VEGFC: variants seen among roughly 807,000 people sequenced by gnomAD.
The protein encoded by VEGFC is vascular endothelial growth factor C, also known as FLT4 ligand DHM.
VEGFC carries 12 observed loss-of-function variants against 46.1 expected under a neutral mutation model. The ratio of observed to expected loss-of-function variants is 0.26; its 90% confidence interval spans 0.17 to 0.42. The LOEUF (loss-of-function observed/expected upper bound fraction) is 0.42. VEGFC is among the 10% of genes least tolerant of loss of function. The probability of loss-of-function intolerance (pLI) is 1.00; values close to 1 mark genes in which losing one functional copy is unlikely to be tolerated. For missense variants in VEGFC, 488 were observed against 529.4 expected (o/e 0.92, Z 0.77); for synonymous variants, 232 against 195.5 (o/e 1.19, Z -1.56).
intron 3 of VEGFC, among the ~76,000 whole-genome samples, chr4:176,723,017 T>C (rs1449270009): frequency 1.3e-5 from 2 of 152,214 alleles, no homozygotes; most frequent in African/African-American, 4.8e-5. Flanking sequence ...TTTATTTACT[T>C]TGCTTACTAA....
chr4:176,783,018 C>G (rs1735942242), intron 1 of VEGFC, among the ~76,000 whole-genome samples: 1 of 152,168 alleles, frequency 6.6e-6, no homozygotes. Flanking sequence ...CCAATGCCCC[C>G]AGCACTGTAG....
chr4:176,789,267 A>T (rs1384790062), intron 1 of VEGFC, among the ~76,000 whole-genome samples: 2 of 152,222 alleles, frequency 1.3e-5, no homozygotes, highest in Non-Finnish European at 2.9e-5. Context: ...TTCTCAACTC[A>T]ACTGAAAAGG....
At chr4:176,756,968 G>A (rs77513254) in intron 1 of VEGFC, among the ~76,000 whole-genome samples, 2,544 of 152,020 alleles carry the variant, frequency 0.017, 44 homozygotes, top group Non-Finnish European at 0.028. Context: ...AAAAATCAAG[G>A]ATGTTTGCTA....
At chr4:176,757,017 A>G (rs1363524960) in intron 1 of VEGFC, among the ~76,000 whole-genome samples, 1 of 152,096 alleles carries the variant, frequency 6.6e-6, no homozygotes, top group African/African-American at 2.4e-5. Flanking sequence ...ACTCTGCTCA[A>G]TTCTGGACAT....
chr4:176,713,563 G>A (rs1050977130), intron 3 of VEGFC, among the ~76,000 whole-genome samples: 1 of 152,158 alleles, frequency 6.6e-6, no homozygotes, highest in Non-Finnish European at 1.5e-5. Flanking sequence ...GTGTACCTAA[G>A]AATTTAGGTC....
chr4:176,711,783 G>A (rs1015882935), intron 3 of VEGFC, 133 bp from the exon 4 acceptor site: 2 of 785,708 alleles, frequency 2.5e-6, no homozygotes, highest in East Asian at 2.7e-5. Context: ...AGGACGCTAT[G>A]TTTTTATGAT....
At chr4:176,718,013 A>T (rs1206610582) in intron 3 of VEGFC, among the ~76,000 whole-genome samples, 1 of 152,180 alleles carries the variant, frequency 6.6e-6, no homozygotes, top group Non-Finnish European at 1.5e-5. Flanking sequence ...TATACACAGT[A>T]CCACAATTAA....
In VEGFC at chr4:176,737,866, C is replaced by T. The variant is rs536356097; in HGVS notation, c.148-8120G>A. Among the ~76,000 whole-genome samples, 444 of 151,892 alleles carry T rather than the reference C, an allele frequency of 2.9e-3. 3 individuals are homozygous for T. The highest frequency in any genetic ancestry group is 0.01 in the African/African-American group (421 of 41,492). On this transcript the variant is annotated intron_variant, in intron 1 of 6. Coordinates refer to ENST00000618562, the MANE Select transcript of VEGFC (RefSeq NM_005429.5). ...CAGAAGATGAACAGAATATGTCTTG[C>T]AAATGAGAGATATTGTGGTACATTC... is the stretch of plus-strand genomic sequence containing the variant.
At chr4:176,714,126 C>T (rs1192749839) in intron 3 of VEGFC, among the ~76,000 whole-genome samples, 1 of 152,182 alleles carries the variant, frequency 6.6e-6, no homozygotes, top group Non-Finnish European at 1.5e-5. Context: ...TGTGTCTCCT[C>T]CAAATCTCAT....
chr4:176,746,341 T>G (rs956028582), intron 1 of VEGFC, among the ~76,000 whole-genome samples: 1 of 152,010 alleles, frequency 6.6e-6, no homozygotes, highest in Non-Finnish European at 1.5e-5. Context: ...AACACAGAGC[T>G]GGGCATTCTC....
intron 1 of VEGFC, among the ~76,000 whole-genome samples, chr4:176,785,107 G>A (rs76455961): frequency 7.5e-4 from 114 of 152,278 alleles, no homozygotes; most frequent in African/African-American, 2.7e-3. Flanking sequence ...AGGTTCTGCA[G>A]TTAGCAAAAT....
At chr4:176,766,941 A>T (rs1482613907) in intron 1 of VEGFC, among the ~76,000 whole-genome samples, 2 of 136,330 alleles carry the variant, frequency 1.5e-5, no homozygotes, top group Non-Finnish European at 3.1e-5. Flanking sequence ...GACATAAAAA[A>T]TATTAATCAT....
intron 1 of VEGFC, among the ~76,000 whole-genome samples, chr4:176,768,491 C>CATATACATATATATATATATAT: frequency 9.9e-6 from 1 of 100,536 alleles, no homozygotes. Context: ...ATGTTTTATA[C>CATATACATATATATATATATAT]ATATATATAT....
At chr4:176,701,086 A>G (rs1250089441) in intron 4 of VEGFC, among the ~76,000 whole-genome samples, 2 of 152,204 alleles carry the variant, frequency 1.3e-5, no homozygotes, top group Non-Finnish European at 2.9e-5. Flanking sequence ...AGGGAACCCT[A>G]ATGTAAGCTA....
chr4:176,718,736 G>A (rs988626955), intron 3 of VEGFC, among the ~76,000 whole-genome samples: 2 of 152,074 alleles, frequency 1.3e-5, no homozygotes, highest in Non-Finnish European at 2.9e-5. Context: ...GAAGACTCTA[G>A]AGATTGAGCT....
chr4:176,773,731 G>A (rs1358010146), intron 1 of VEGFC, among the ~76,000 whole-genome samples: 1 of 152,152 alleles, frequency 6.6e-6, no homozygotes, highest in African/African-American at 2.4e-5. Flanking sequence ...TTCCCAGGCT[G>A]GAGTACAGTG....
intron 1 of VEGFC, among the ~76,000 whole-genome samples, chr4:176,748,492 G>A (rs1056010469): frequency 1.3e-5 from 2 of 151,756 alleles, no homozygotes; most frequent in Non-Finnish European, 2.9e-5. Context: ...CAAGTAGTAC[G>A]TATACAGCAT....
At chr4:176,701,628 C>T (rs1323474602) in intron 4 of VEGFC, among the ~76,000 whole-genome samples, 4 of 152,142 alleles carry the variant, frequency 2.6e-5, no homozygotes, top group Admixed American at 2.6e-4. Context: ...GCCTGAGTTC[C>T]ACTGGTAAAT....
At chr4:176,696,745 C>G (rs1369137999) in intron 4 of VEGFC, among the ~76,000 whole-genome samples, 1 of 152,088 alleles carries the variant, frequency 6.6e-6, no homozygotes, top group Non-Finnish European at 1.5e-5. Context: ...TACCACAAGG[C>G]TACAGTAACC....
Sources: allele counts gnomAD v4.1 joint callset (sites outside exome capture counted in the v4.1 genomes callset), GRCh38; gene constraint gnomAD v4.1.1; transcripts MANE v1.5; gene names NCBI Gene and HGNC (gene_info 2026-07-23, HGNC 2026-07-21).